The following DYNLT1 variants were observed in gnomAD, a reference collection of about 807,000 sequenced individuals.
DYNLT1 encodes dynein light chain Tctex-type 1.
A neutral mutation model predicts 19.6 loss-of-function variants in DYNLT1; 18 were observed. The ratio of observed to expected loss-of-function variants is 0.92; its 90% CI spans 0.64 to 1.36. DYNLT1 has a LOEUF of 1.36. DYNLT1 is among the 40% of genes most tolerant of loss of function. The probability of loss-of-function intolerance (pLI) is 0.00; values close to 1 mark genes in which losing one functional copy is unlikely to be tolerated. For missense variants in DYNLT1, 137 were observed against 139.3 expected (o/e 0.98, Z 0.08); for synonymous variants, 56 against 44.0 (o/e 1.27, Z -1.07).
intron 4 of DYNLT1, 57 bp from the exon 5 acceptor site, chr6:158,636,954 A>G: frequency 6.3e-7 from 1 of 1,587,606 alleles, no homozygotes; most frequent in Non-Finnish European, 8.6e-7. Context: ...ACGACGTTTT[A>G]CTCACAATAA....
At chr6:158,637,000 A>G in intron 4 of DYNLT1, 103 bp from the exon 5 acceptor site, 2 of 1,540,690 alleles carry the variant, frequency 1.3e-6, no homozygotes, top group Non-Finnish European at 1.8e-6. Flanking sequence ...ATGCTACACA[A>G]AGAACCTTGG....
intron 2 of DYNLT1, among the ~76,000 whole-genome samples, 180 bp downstream of exon 2, chr6:158,641,139 A>G (rs1392061303): frequency 1.3e-5 from 2 of 152,254 alleles, no homozygotes; most frequent in Non-Finnish European, 2.9e-5. Flanking sequence ...GATTTAAAAT[A>G]TGTAATTTAC....
chr6:158,637,609 A>G, intron 3 of DYNLT1, 162 bp downstream of exon 3: 1 of 1,067,060 alleles, frequency 9.4e-7, no homozygotes, highest in Non-Finnish European at 1.4e-6. Flanking sequence ...CCAGCAGCCA[A>G]ATGGTCAAGC....
At chr6:158,639,720 G>A (rs1324968118) in intron 2 of DYNLT1, among the ~76,000 whole-genome samples, 4 of 152,048 alleles carry the variant, frequency 2.6e-5, no homozygotes, top group East Asian at 1.9e-4. Context: ...TTGCTCTGTC[G>A]CCCAGACTGG....
chr6:158,637,689 CTGT>C lies in DYNLT1; in HGVS notation c.193+79_193+81del, dbSNP rs746301882. On this transcript the variant is annotated intron_variant, in intron 3 of 4. Coordinates refer to ENST00000367089, the MANE Select transcript of DYNLT1 (RefSeq NM_006519.4). ...CCTTCCTTGAGTTGAGCCACGTTAG[CTGT>C]TGTTTCTGGTACTGGATGCCCCTCT... 42 of 1,609,376 alleles carry C rather than the reference CTGT, an allele frequency of 2.6e-5. 1 individual carries two copies. Among genetic ancestry groups the C allele is most frequent in the Middle Eastern group, 3.3e-4 (2 of 6,076 alleles).
intron 1 of DYNLT1, 133 bp downstream of exon 1, chr6:158,644,549 G>T: frequency 1.9e-6 from 2 of 1,068,102 alleles, no homozygotes; most frequent in Non-Finnish European, 2.6e-6. Flanking sequence ...CGACCGGGAA[G>T]CTCAGGCCGT....
chr6:158,638,397 CAA>C (rs1283861122), intron 2 of DYNLT1, among the ~76,000 whole-genome samples: 2 of 152,126 alleles, frequency 1.3e-5, no homozygotes, highest in African/African-American at 2.4e-5. Flanking sequence ...CTTTATATTC[CAA>C]AACTTATTTT....
At chr6:158,637,403 T>C in intron 3 of DYNLT1, 198 bp from the exon 4 acceptor site, 1 of 624,794 alleles carries the variant, frequency 1.6e-6, no homozygotes, top group Non-Finnish European at 2.9e-6. Context: ...CATAAACCCA[T>C]CATAAATCAA....
chr6:158,638,043 T>G (rs756160552), intron 2 of DYNLT1, 149 bp from the exon 3 acceptor site: 34 of 1,216,826 alleles, frequency 2.8e-5, no homozygotes, highest in Non-Finnish European at 3.7e-5. Flanking sequence ...TTTAATAGCA[T>G]TATATTTCAT....
At chr6:158,644,653 C>T (rs1375209611) in intron 1 of DYNLT1, 29 bp downstream of exon 1, 1 of 1,611,554 alleles carries the variant, frequency 6.2e-7, no homozygotes, top group African/African-American at 1.3e-5. Flanking sequence ...TCTAGGCCTC[C>T]ACCCTTCCGT....
chr6:158,639,146 C>A (rs541782795), intron 2 of DYNLT1, among the ~76,000 whole-genome samples: 2 of 152,122 alleles, frequency 1.3e-5, no homozygotes, highest in African/African-American at 2.4e-5. Context: ...TTAGATCTGG[C>A]GACCTTGCTT....
At chr6:158,639,472 C>T (rs746543513) in intron 2 of DYNLT1, among the ~76,000 whole-genome samples, 5 of 152,154 alleles carry the variant, frequency 3.3e-5, no homozygotes, top group Non-Finnish European at 7.3e-5. Context: ...GCTCTCCCTC[C>T]GCACATACTT....
intron 1 of DYNLT1, 121 bp downstream of exon 1, chr6:158,644,561 G>C (rs1787303345): frequency 2.5e-6 from 3 of 1,213,132 alleles, no homozygotes; most frequent in Non-Finnish European, 2.3e-6. Context: ...TCAGGCCGTG[G>C]GCTGCCGAGA....
rs1266760055 is a variant in DYNLT1, at chr6:158,636,741, T to C, written c.*86A>G. On this transcript the variant is annotated 3_prime_UTR_variant, in exon 5 of 5. Transcript: ENST00000367089. The stretch of plus-strand genomic sequence containing the variant: ...TGAAAGTGCCACAAAACAAAGAGAA[T>C]GAGAAAAGAGTTCACTGAATTCATG... 4 of 1,427,618 alleles carry C rather than the reference T, an allele frequency of 2.8e-6. No homozygotes were observed. The East Asian group carries it at 7.5e-5, about 27-fold the overall frequency. The allele number at this position is 1,427,618 out of a possible 1,614,324, so 88.4% of individuals were successfully genotyped here.
At chr6:158,644,030 G>A (rs1486497930) in intron 1 of DYNLT1, among the ~76,000 whole-genome samples, 3 of 150,818 alleles carry the variant, frequency 2.0e-5, no homozygotes, top group Non-Finnish European at 4.4e-5. Context: ...GACATCGTGG[G>A]CTTTATCCTA....
chr6:158,637,707 G>C (rs1389665970), intron 3 of DYNLT1, 64 bp downstream of exon 3: 3 of 1,613,192 alleles, frequency 1.9e-6, no homozygotes, highest in Non-Finnish European at 2.5e-6. Flanking sequence ...TCTGGTACTG[G>C]ATGCCCCTCT....
chr6:158,644,642 C>A (rs1283376675), intron 1 of DYNLT1, 40 bp downstream of exon 1: 3 of 1,610,556 alleles, frequency 1.9e-6, no homozygotes, highest in Non-Finnish European at 2.5e-6. Flanking sequence ...GCGGCCAGGG[C>A]TCTAGGCCTC....
chr6:158,637,332 G>A (rs1489895273), intron 3 of DYNLT1, 127 bp from the exon 4 acceptor site: 3 of 804,750 alleles, frequency 3.7e-6, no homozygotes, highest in African/African-American at 3.5e-5. Flanking sequence ...AAATTATAGG[G>A]ACAGATTGCC....
chr6:158,637,921 C>T, intron 2 of DYNLT1, 27 bp from the exon 3 acceptor site: 1 of 1,597,516 alleles, frequency 6.3e-7, no homozygotes, highest in Admixed American at 1.7e-5. Flanking sequence ...AAAGCGCGTC[C>T]CGGTTAACCA....
Sources: gnomAD v4.1 joint callset for allele counts (sites outside exome capture counted in the v4.1 genomes callset) on GRCh38, gnomAD v4.1.1 for gene constraint, MANE v1.5 for transcripts, NCBI Gene and HGNC (gene_info 2026-07-23, HGNC 2026-07-21) for gene names.